The following GFUS variants were observed in gnomAD, a reference collection of about 807,000 sequenced individuals.
GFUS encodes the protein 3-5 epimerase/4-reductase.
Under a neutral mutation model 41.5 loss-of-function variants are expected in GFUS, and 42 were observed. The ratio of observed to expected loss-of-function variants is 1.01; its 90% CI spans 0.79 to 1.31. GFUS has a LOEUF of 1.31. GFUS is among the 50% of genes most tolerant of loss of function. GFUS has a pLI of 0.00. For missense variants in GFUS, 437 were observed against 428.7 expected, an observed-to-expected ratio of 1.02 and a Z score of -0.17; for synonymous variants, 188 against 173.4, an observed-to-expected ratio of 1.08 and a Z score of -0.66.
chr8:143,617,922 G>C (rs3812446), upstream of GFUS: 60,513 of 152,124 alleles, frequency 0.4, 14,419 homozygotes, highest in East Asian at 0.66. Flanking sequence ...CCCCGAATAC[G>C]CAGACCTCGC....
At chr8:143,616,413 C>T in intron 2 of GFUS, 154 bp downstream of exon 2, 2 of 1,284,808 alleles carry the variant, frequency 1.6e-6, no homozygotes, top group South Asian at 2.5e-5. Context: ...AGGAACACAG[C>T]CAAGCACACC....
intron 6 of GFUS, 28 bp downstream of exon 6, chr8:143,614,292 G>A (rs760270069): frequency 1.6e-4 from 266 of 1,613,568 alleles, no homozygotes; most frequent in Non-Finnish European, 2.1e-4. Context: ...AGCTGAGCCC[G>A]GGCACCCCAT....
At chr8:143,614,724 G>T in intron 4 of GFUS, 27 bp from the exon 5 acceptor site, 1 of 1,613,038 alleles carries the variant, frequency 6.2e-7, no homozygotes, top group East Asian at 2.2e-5. Flanking sequence ...GGCAGAGGCC[G>T]CTACTTCCTG....
rs759289744 is a variant in GFUS, at chr8:143,613,793, C to T, written c.688G>A (p.Val230Ile). 2 of 1,550,878 alleles carry T rather than the reference C, an allele frequency of 1.3e-6. No homozygotes were observed. Among genetic ancestry groups the T allele is most frequent in the Admixed American group, 2.0e-5 (1 of 51,000 alleles). ...TCCACTTCATTGTACTCCCGCAGGA[C>T]CCAGATAAAGAGCTGGGCCAGGTCC... ...SLDLAQLFIW[V>I]LREYNEVEPI... Residue 230 changes from valine to isoleucine, a missense_variant, in exon 8 of 11, where the codon GTC becomes ATC. Val to Ile is a conservative substitution (Grantham distance 29). Transcript: ENST00000425753.
chr8:143,617,044 C>T (rs1829745648), intron 1 of GFUS: 1 of 353,220 alleles, frequency 2.8e-6, no homozygotes, highest in South Asian at 4.0e-5. Flanking sequence ...AACCTTGGGA[C>T]GGGGGCTCCT....
At position 143,613,176 on chromosome 8, in the gene GFUS, G is replaced by A. The variant is rs1026947202; in HGVS notation, c.910+20C>T. 2 of 1,608,116 alleles carry A rather than the reference G, an allele frequency of 1.2e-6. No homozygotes were observed. The highest frequency in any genetic ancestry group is 1.7e-6 in the Non-Finnish European group (2 of 1,175,408). ...GGGGCAGGCCTCCACCAAGTGGAGG[G>A]CTGTGGGGTCAGGGCTCACCCTGCT... On this transcript the variant is annotated intron_variant, in intron 10 of 10. Coordinates refer to ENST00000425753, the MANE Select transcript of GFUS (RefSeq NM_003313.4).
intron 1 of GFUS, chr8:143,617,009 C>G: frequency 2.2e-6 from 1 of 450,366 alleles, no homozygotes. Flanking sequence ...CTACTCCCCT[C>G]TGACTGACAA....
chr8:143,614,239 G>A lies in GFUS; in HGVS notation c.599-11C>T, dbSNP rs1449138785. 1.2e-6 allele frequency: 2 copies of A among 1,613,778 alleles called. No homozygotes were observed. Among genetic ancestry groups the A allele is most frequent in the South Asian group, 1.1e-5 (1 of 91,084 alleles). Reference sequence around the variant, plus strand: ...GGGCCGAGCCGCTGCCTGCAGATTTGGGGAAGGAGCAGGTGTCAGAGGCAC... The same window carrying A: ...GGGCCGAGCCGCTGCCTGCAGATTTAGGGAAGGAGCAGGTGTCAGAGGCAC... On this transcript the variant is annotated splice_polypyrimidine_tract_variant and intron_variant, in intron 6 of 10. Coordinates refer to ENST00000425753, the MANE Select transcript of GFUS (RefSeq NM_003313.4).
Position 143,614,146 on chromosome 8 carries a change from G to T in GFUS, c.663+18C>A, listed in dbSNP as rs759326093. ...TAGGGCAGGTTCTCTGGGGAGAGCT[G>T]TGCCTTCCTTTACGCACCAGCGAGT... On this transcript the variant is annotated intron_variant, in intron 7 of 10. Transcript: ENST00000425753. 1 of 1,612,154 alleles carries T rather than the reference G, an allele frequency of 6.2e-7. No homozygotes were observed. Among genetic ancestry groups the T allele is most frequent in the African/African-American group, 1.3e-5 (1 of 75,058 alleles).
Position 143,614,245 on chromosome 8 carries a change from G to A in GFUS, c.599-17C>T, listed in dbSNP as rs1040539606. ...AGCCGCTGCCTGCAGATTTGGGGAA[G>A]GAGCAGGTGTCAGAGGCACTGGGTC... On this transcript the variant is annotated splice_polypyrimidine_tract_variant and intron_variant, in intron 6 of 10. Transcript: ENST00000425753. 42 of 1,613,632 alleles carry A rather than the reference G, an allele frequency of 2.6e-5. No homozygotes were observed. The highest frequency in any genetic ancestry group is 3.4e-5 in the Non-Finnish European group (40 of 1,180,014).
In GFUS at chr8:143,612,856, C is replaced by T; in HGVS notation, c.*54G>A. On this transcript the variant is annotated 3_prime_UTR_variant, in exon 11 of 11. Coordinates refer to ENST00000425753, the MANE Select transcript of GFUS (RefSeq NM_003313.4). ...TCCTGGCAGGGTTGACGGGTGGTGGCCGCTGGGCTCTGCCAGCCGATGGTC... is the reference window on the plus strand; with the variant it reads ...TCCTGGCAGGGTTGACGGGTGGTGGTCGCTGGGCTCTGCCAGCCGATGGTC... 6.4e-7 allele frequency: 1 copy of T among 1,564,520 alleles called. No homozygotes were observed. Among genetic ancestry groups the T allele is most frequent in the South Asian group, 1.2e-5 (1 of 85,842 alleles).
chr8:143,614,888 C>A lies in GFUS; in HGVS notation c.289G>T (p.Val97Phe). The change falls in exon 4 of 11, where the codon GTC (valine) becomes TTC (phenylalanine). Residue 97 changes from valine (V) to phenylalanine (F), a missense_variant. Transcript: ENST00000425753. ...WRKNVHMNDN[V>F]LHSAFEVGAR... ...CCCACCTCAAAGGCCGAGTGCAGGA[C>A]GTTGTCGTTCATGTGCACGTTTTTC... The A allele has an allele frequency of 6.2e-7, 1 of 1,611,676 alleles. No individual in the cohort carries two copies. Among genetic ancestry groups the A allele is most frequent in the Non-Finnish European group, 8.5e-7 (1 of 1,178,524 alleles).
At position 143,614,321 on chromosome 8, in the gene GFUS, C is replaced by A; in HGVS notation, c.597G>T (p.Lys199Asn). Residue 199 changes from lysine to asparagine, a missense_variant and splice_region_variant, in exon 6 of 11, where the codon AAG becomes AAT. Lys to Asn is a moderately conservative substitution (Grantham distance 94, BLOSUM62 0). Transcript: ENST00000425753. Reference protein sequence around the residue: ...PGLIHKVHLAKSSGSALTVWG... With the variant: ...PGLIHKVHLANSSGSALTVWG... The stretch of plus-strand genomic sequence containing the variant: ...ACCCCATCGGACGGACGCACTCACT[C>A]TTGGCCAGGTGCACCTTGTGGATGA... 1 of 1,613,632 alleles carries A rather than the reference C, an allele frequency of 6.2e-7. No individual in the cohort carries two copies. The highest frequency in any genetic ancestry group is 1.1e-5 in the South Asian group (1 of 91,070).
chr8:143,613,106 G>A, intron 10 of GFUS, 90 bp downstream of exon 10: 4 of 1,532,290 alleles, frequency 2.6e-6, no homozygotes, highest in Non-Finnish European at 3.6e-6. Context: ...AGGCTCTGAG[G>A]GGGCACCTCA....
intron 3 of GFUS, among the ~76,000 whole-genome samples, chr8:143,615,324 T>A (rs1829697722): frequency 6.6e-6 from 1 of 152,092 alleles, no homozygotes; most frequent in South Asian, 2.1e-4. Flanking sequence ...TGGCTCTACT[T>A]CCCAGGATCA....
At chr8:143,613,322 A>G in intron 9 of GFUS, 27 bp from the exon 10 acceptor site, 1 of 1,606,650 alleles carries the variant, frequency 6.2e-7, no homozygotes, top group Non-Finnish European at 8.5e-7. Context: ...GGCCACAGCG[A>G]GAAGAGCACC....
chr8:143,613,441 C>A lies in GFUS; in HGVS notation c.810+83G>T, dbSNP rs897665766. On this transcript the variant is annotated intron_variant, in intron 9 of 10. Coordinates refer to ENST00000425753, the MANE Select transcript of GFUS (RefSeq NM_003313.4). The stretch of plus-strand genomic sequence containing the variant: ...AGCATCCTCCCTCCGCAGTGTCCCA[C>A]CCACGCTGGCCCTACACCGGGTGGC... The A allele has an allele frequency of 2.6e-6, 4 of 1,525,164 alleles. No homozygotes were observed. In the Admixed American group the frequency reaches 7.1e-5, roughly 27 times the overall value. 94.5% of individuals were successfully genotyped at this position (1,525,164 alleles called of 1,614,324 possible). A position where few individuals can be genotyped will look rare whatever the true frequency, so the allele number is the denominator to read the frequency against.
At position 143,613,619 on chromosome 8, in the gene GFUS, G is replaced by A. The variant is rs568201911; in HGVS notation, c.731-16C>T. Reference sequence around the variant, plus strand: ...TCCTCGCCCACTGTGGGGAGCCACCGGGTCAGGCCTCCCCTTGGTGCCACC... The same window carrying A: ...TCCTCGCCCACTGTGGGGAGCCACCAGGTCAGGCCTCCCCTTGGTGCCACC... On this transcript the variant is annotated splice_polypyrimidine_tract_variant and intron_variant, in intron 8 of 10. Transcript: ENST00000425753. 2.7e-4 allele frequency: 440 copies of A among 1,611,592 alleles called. 3 individuals carry two copies. The South Asian group carries it at 4.4e-3, about 16-fold the overall frequency.
At chr8:143,615,760 G>C (rs1829709861) in intron 3 of GFUS, 2 of 271,928 alleles carry the variant, frequency 7.4e-6, no homozygotes, top group Non-Finnish European at 1.4e-5. Flanking sequence ...CACAGTCCTG[G>C]GAGCCAGAGG....
Sources: allele counts gnomAD v4.1 joint callset (sites outside exome capture counted in the v4.1 genomes callset), GRCh38; gene constraint gnomAD v4.1.1; transcripts MANE v1.5; gene names NCBI Gene and HGNC (gene_info 2026-07-23, HGNC 2026-07-21).